SETD5: variants seen among roughly 807,000 people sequenced by gnomAD.
SETD5 encodes the protein histone-lysine N-methyltransferase SETD5.
In SETD5, 44 loss-of-function variants were observed where a neutral mutation model predicts 153.3. The observed-to-expected ratio is 0.29, with a 90% CI of 0.23 to 0.37. SETD5 has a LOEUF of 0.37. SETD5 is among the 10% of genes least tolerant of loss of function. The pLI is 1.00. For missense variants in SETD5, 1,544 were observed against 1,768.0 expected, an observed-to-expected ratio of 0.87 and a Z score of 2.27; for synonymous variants, 716 against 645.2, an observed-to-expected ratio of 1.11 and a Z score of -1.66.
At chr3:9,421,387 C>A (rs11928271) in intron 1 of SETD5, among the ~76,000 whole-genome samples, 1 of 151,988 alleles carries the variant, frequency 6.6e-6, no homozygotes, top group Non-Finnish European at 1.5e-5. Flanking sequence ...ATCCTCCTGC[C>A]TCAGCCTCCC....
intron 22 of SETD5, 62 bp from the exon 23 acceptor site, chr3:9,475,421 G>A (rs1575630712): frequency 6.5e-7 from 1 of 1,547,232 alleles, no homozygotes; most frequent in Non-Finnish European, 8.7e-7. Flanking sequence ...TATTATAAAT[G>A]TTCACCAGCC....
intron 1 of SETD5, among the ~76,000 whole-genome samples, chr3:9,407,587 A>G (rs1488048962): frequency 2.6e-5 from 4 of 152,106 alleles, no homozygotes; most frequent in Non-Finnish European, 5.9e-5. Context: ...ATGAAAAACA[A>G]TTTTTTTTAT....
Position 9,453,643 on chromosome 3 carries a change from G to C in SETD5, c.2347-96G>C, listed in dbSNP as rs1249426126. The C allele has an allele frequency of 5.8e-6, 7 of 1,197,066 alleles. No individual in the cohort carries two copies. In the East Asian group the frequency reaches 1.8e-4, roughly 30 times the overall value. 74.2% of individuals were successfully genotyped at this position (1,197,066 alleles called of 1,614,324 possible). A position where few individuals can be genotyped will look rare whatever the true frequency, so the allele number is the denominator to read the frequency against. On this transcript the variant is annotated intron_variant, in intron 16 of 22. Transcript: ENST00000402198. ...GACTGTGTAACTGAATTAGTGTGTT[G>C]AATTGTATCACTCACCAGTTGATGT...
chr3:9,447,593 A>T (rs903915865), intron 14 of SETD5, 93 bp from the exon 15 acceptor site: 19 of 1,346,228 alleles, frequency 1.4e-5, no homozygotes, highest in Non-Finnish European at 1.8e-5. Context: ...ATTTTTCATC[A>T]GTAGACATTC....
At chr3:9,446,660 T>C (rs2042051103) in intron 13 of SETD5, among the ~76,000 whole-genome samples, 1 of 151,980 alleles carries the variant, frequency 6.6e-6, no homozygotes, top group Non-Finnish European at 1.5e-5. Flanking sequence ...GCCTGGGTAA[T>C]TTTTTGTATT....
intron 15 of SETD5, 148 bp downstream of exon 15, chr3:9,448,154 C>G (rs1221806913): frequency 1.8e-6 from 2 of 1,140,374 alleles, no homozygotes; most frequent in Middle Eastern, 4.2e-4. Context: ...CTGGAGTCAT[C>G]CTGCTACCTG....
chr3:9,410,400 AT>A (rs2036382456), intron 1 of SETD5, among the ~76,000 whole-genome samples: 1 of 152,230 alleles, frequency 6.6e-6, no homozygotes, highest in Non-Finnish European at 1.5e-5. Flanking sequence ...AGATTACAGT[AT>A]TTTGAAATCC....
At chr3:9,448,806 T>A (rs1005577585) in intron 16 of SETD5, among the ~76,000 whole-genome samples, 176 bp downstream of exon 16, 11 of 152,216 alleles carry the variant, frequency 7.2e-5, no homozygotes, top group African/African-American at 2.7e-4. Flanking sequence ...CAAGAGTCTG[T>A]GAGACTGTGG....
intron 21 of SETD5, 48 bp downstream of exon 21, chr3:9,474,630 C>T (rs1232826477): frequency 2.2e-5 from 36 of 1,607,052 alleles, no homozygotes; most frequent in Non-Finnish European, 2.8e-5. Flanking sequence ...ACACATGAGC[C>T]GAGTCCTGTA....
Position 9,428,898 on chromosome 3 carries a change from A to G in SETD5, c.-41A>G, listed in dbSNP as rs768158541. 4 of 1,544,044 alleles carry G rather than the reference A, an allele frequency of 2.6e-6. No homozygotes were observed. The highest frequency in any genetic ancestry group is 2.7e-6 in the Non-Finnish European group (3 of 1,121,836). On this transcript the variant is annotated 5_prime_UTR_variant, in exon 3 of 23. An upstream open reading frame in the 5' UTR loses its in-frame stop. Transcript: ENST00000402198. ...CTCTCAGAGTGGTCAGTCTCCATTA[A>G]TTGGACCCCGTGATTTCCAATCTCT...
intron 1 of SETD5, among the ~76,000 whole-genome samples, chr3:9,409,046 T>C (rs1375077745): frequency 6.6e-6 from 1 of 152,188 alleles, no homozygotes; most frequent in Non-Finnish European, 1.5e-5. Context: ...TAATTTCTTG[T>C]GATAAGTTGT....
chr3:9,416,390 A>C (rs1160595029), intron 1 of SETD5, among the ~76,000 whole-genome samples: 1 of 152,182 alleles, frequency 6.6e-6, no homozygotes, highest in Non-Finnish European at 1.5e-5. Flanking sequence ...GTATATTGGC[A>C]TATAGCAAAT....
chr3:9,419,642 A>T (rs1054240445), intron 1 of SETD5, among the ~76,000 whole-genome samples: 1 of 152,232 alleles, frequency 6.6e-6, no homozygotes, highest in African/African-American at 2.4e-5. Flanking sequence ...AACAAGCTAT[A>T]TATTAACATC....
intron 17 of SETD5, among the ~76,000 whole-genome samples, chr3:9,459,624 A>T (rs1265077551): frequency 6.6e-6 from 1 of 150,566 alleles, no homozygotes; most frequent in Non-Finnish European, 1.5e-5. Flanking sequence ...CAACAACAAC[A>T]ACAAAAAAAA....
rs537574922 is a variant in SETD5 at position 9,435,926 on chromosome 3, C to A, written c.567+20C>A. The A allele has an allele frequency of 3.2e-6, 5 of 1,543,884 alleles. No homozygotes were observed. In the African/African-American group the frequency reaches 6.9e-5, roughly 21 times the overall value. On this transcript the variant is annotated intron_variant, in intron 7 of 22. Transcript: ENST00000402198. ...ATCAAGGTATGCAGGGTAAAAATAT[C>A]TTAAATAGAAATTGTCTGAAATAGC...
intron 1 of SETD5, among the ~76,000 whole-genome samples, chr3:9,412,584 T>C (rs1181780211): frequency 1.3e-5 from 2 of 151,794 alleles, no homozygotes; most frequent in African/African-American, 2.4e-5. Flanking sequence ...TTAAAAAATA[T>C]CTTGTACAGG....
intron 18 of SETD5, chr3:9,468,466 G>T: frequency 1.5e-6 from 2 of 1,291,522 alleles, no homozygotes; most frequent in Middle Eastern, 2.2e-4. Context: ...GTTTTGTTTT[G>T]CTTCTTGACT....
intron 11 of SETD5, among the ~76,000 whole-genome samples, chr3:9,444,364 AG>A (rs1283769089): frequency 6.6e-6 from 1 of 152,198 alleles, no homozygotes; most frequent in African/African-American, 2.4e-5. Context: ...AAAATAAAAA[AG>A]GTTTTAAGAA....
intron 7 of SETD5, among the ~76,000 whole-genome samples, chr3:9,437,522 C>CTGTGTGTGTGT (rs1553619051): frequency 6.9e-6 from 1 of 145,026 alleles, no homozygotes; most frequent in African/African-American, 2.6e-5. Context: ...TCCTCCTTTA[C>CTGTGTGTGTGT]GTGTGTGTGT....
Sources: allele counts gnomAD v4.1 joint callset (sites outside exome capture counted in the v4.1 genomes callset), GRCh38; gene constraint gnomAD v4.1.1; transcripts MANE v1.5; gene names NCBI Gene and HGNC (gene_info 2026-07-23, HGNC 2026-07-21).